Variants in SAMSN1 observed in about 807,000 individuals in gnomAD.
SAMSN1 encodes the protein SAM domain, SH3 domain and nuclear localization signals 1.
In SAMSN1, 31 loss-of-function variants were observed where a neutral mutation model predicts 42.0. The ratio of observed to expected loss-of-function variants is 0.74; its 90% CI spans 0.55 to 1.00. SAMSN1 has a LOEUF of 1.00. Among genes scored for constraint, SAMSN1 ranks in the 50% least tolerant of loss-of-function variants. The pLI is 0.00. For synonymous variants in SAMSN1, 178 were observed against 151.9 expected, an observed-to-expected ratio of 1.17 and a Z score of -1.26; for missense variants, 464 against 439.4, an observed-to-expected ratio of 1.06 and a Z score of -0.50.
intron 2 of SAMSN1, among the ~76,000 whole-genome samples, chr21:14,640,272 T>C (rs1260915034): frequency 6.6e-6 from 1 of 152,214 alleles, no homozygotes; most frequent in Non-Finnish European, 1.5e-5. Context: ...ACATTATTTT[T>C]ATTATGGGCT....
upstream of SAMSN1, among the ~76,000 whole-genome samples, chr21:14,587,370 T>G (rs1981948860): frequency 6.6e-6 from 1 of 152,162 alleles, no homozygotes; most frequent in Non-Finnish European, 1.5e-5. Flanking sequence ...TTAAACTCCT[T>G]TACTATTTGA....
intron 1 of SAMSN1, among the ~76,000 whole-genome samples, chr21:14,657,488 C>T (rs897507638): frequency 2.6e-5 from 4 of 151,792 alleles, no homozygotes; most frequent in African/African-American, 7.2e-5. Context: ...GCATTACAAA[C>T]GTATGTCACG....
intron 6 of SAMSN1, chr21:14,597,952 G>A (rs1308425698): frequency 6.6e-6 from 1 of 152,074 alleles, no homozygotes; most frequent in Non-Finnish European, 1.5e-5. Flanking sequence ...TGGAATTTCT[G>A]ACTATATTTC....
intron 2 of SAMSN1, among the ~76,000 whole-genome samples, chr21:14,570,779 T>G (rs1981274712): frequency 6.6e-6 from 1 of 152,220 alleles, no homozygotes; most frequent in African/African-American, 2.4e-5. Context: ...TAGAGTGATC[T>G]TTCCAAAATA....
intron 3 of SAMSN1, among the ~76,000 whole-genome samples, chr21:14,613,489 A>T (rs139894297): frequency 6.6e-6 from 1 of 152,206 alleles, no homozygotes; most frequent in African/African-American, 2.4e-5. Context: ...TAACATTGTT[A>T]TAGCTTAAGT....
Position 14,579,252 on chromosome 21 carries a change from A to T in SAMSN1, c.261+2884T>A, listed in dbSNP as rs528508224. On this transcript the variant is annotated intron_variant, in intron 2 of 8. Coordinates refer to the SAMSN1 transcript ENST00000285670. ...GTCCACTGAGGCTTTTCTGTCACGA[A>T]TGCTGAACAATATCATCTGAAATTC... 1.2e-4 allele frequency among the ~76,000 whole-genome samples: 19 copies of T among 152,340 alleles called. No individual in the cohort carries two copies. In the South Asian group the frequency reaches 3.9e-3, roughly 32 times the overall value.
intron 2 of SAMSN1, among the ~76,000 whole-genome samples, chr21:14,632,609 T>C (rs1197725264): frequency 6.6e-6 from 1 of 152,198 alleles, no homozygotes; most frequent in East Asian, 1.9e-4. Context: ...TGCAACAAAT[T>C]ACTCCCAAAT....
At chr21:14,621,595 G>GGAGGGGTGCCCACCATTGCT (rs199797741) in intron 2 of SAMSN1, among the ~76,000 whole-genome samples, 4 of 151,562 alleles carry the variant, frequency 2.6e-5, no homozygotes, top group African/African-American at 7.3e-5. Context: ...AGAGGCTGGG[G>GGAGGGGTGCCCACCATTGCT]GAGGCTTGAG....
At chr21:14,653,571 A>T (rs1304334428) in intron 1 of SAMSN1, among the ~76,000 whole-genome samples, 2 of 152,128 alleles carry the variant, frequency 1.3e-5, no homozygotes, top group Non-Finnish European at 2.9e-5. Flanking sequence ...AATGAATATG[A>T]GCTACTATTT....
At chr21:14,583,551 A>T, upstream of SAMSN1, 3 of 609,834 alleles carry the variant, frequency 4.9e-6, no homozygotes, top group Non-Finnish European at 8.9e-6. Flanking sequence ...TCAATGTTTA[A>T]TGATTATCTT....
chr21:14,535,530 A>G (rs1979550806), intron 1 of SAMSN1, among the ~76,000 whole-genome samples: 1 of 151,984 alleles, frequency 6.6e-6, no homozygotes, highest in Non-Finnish European at 1.5e-5. Flanking sequence ...AGCTGAATTG[A>G]CTCCCACAAA....
intron 2 of SAMSN1, among the ~76,000 whole-genome samples, chr21:14,563,349 A>G (rs548552405): frequency 6.6e-6 from 1 of 152,360 alleles, no homozygotes; most frequent in South Asian, 2.1e-4. Context: ...ATTATATTGA[A>G]GGAGAAATTT....
At chr21:14,614,991 C>T (rs1167332381) in intron 3 of SAMSN1, among the ~76,000 whole-genome samples, 1 of 152,080 alleles carries the variant, frequency 6.6e-6, no homozygotes, top group Non-Finnish European at 1.5e-5. Flanking sequence ...TTTTGGTAGC[C>T]TATATTCTGC....
chr21:14,659,389 A>G (rs959883743), upstream of SAMSN1, among the ~76,000 whole-genome samples: 2 of 151,922 alleles, frequency 1.3e-5, no homozygotes. Context: ...ATGAATCTCC[A>G]GAACCATTTC....
At chr21:14,582,349 G>T in exon 2 of SAMSN1, 2 of 1,549,918 alleles carry the variant, frequency 1.3e-6, no homozygotes, top group Non-Finnish European at 8.7e-7. Flanking sequence ...TATTTAAAGT[G>T]CTGGATCTAC....
At chr21:14,618,766 A>C (rs1022204480) in intron 2 of SAMSN1, among the ~76,000 whole-genome samples, 1 of 151,982 alleles carries the variant, frequency 6.6e-6, no homozygotes, top group African/African-American at 2.4e-5. Flanking sequence ...CACTTTGGAG[A>C]GTTATTTCAG....
chr21:14,519,663 T>C (rs1978332763), intron 2 of SAMSN1, among the ~76,000 whole-genome samples: 2 of 152,048 alleles, frequency 1.3e-5, no homozygotes, highest in East Asian at 1.9e-4. Context: ...AAAGGGATCA[T>C]TACTGAAATT....
At chr21:14,501,288 T>C (rs1600865592) in intron 5 of SAMSN1, among the ~76,000 whole-genome samples, 1 of 152,218 alleles carries the variant, frequency 6.6e-6, no homozygotes. Context: ...GTCTGCAGTA[T>C]AATTTACAAA....
At chr21:14,624,891 A>C (rs1037112147) in intron 2 of SAMSN1, among the ~76,000 whole-genome samples, 3 of 152,220 alleles carry the variant, frequency 2.0e-5, no homozygotes, top group Admixed American at 2.0e-4. Context: ...AAATAGTGGC[A>C]AACCGAATCC....
Sources: allele counts gnomAD v4.1 joint callset (sites outside exome capture counted in the v4.1 genomes callset), GRCh38; gene constraint gnomAD v4.1.1; transcripts MANE v1.5; gene names NCBI Gene and HGNC (gene_info 2026-07-23, HGNC 2026-07-21).